The following DNAI3 variants were observed in gnomAD, a reference collection of about 807,000 sequenced individuals.
The protein encoded by DNAI3 is WD repeat domain 63.
DNAI3 carries 83 observed loss-of-function variants against 115.5 expected under a neutral mutation model. The ratio of observed to expected loss-of-function variants is 0.72; its 90% confidence interval spans 0.60 to 0.86. DNAI3 has a LOEUF of 0.86. Among genes scored for constraint, DNAI3 ranks in the 40% least tolerant of loss-of-function variants. The pLI, the probability that DNAI3 is intolerant of heterozygous loss-of-function variation, is 0.00. For missense variants in DNAI3, 1,004 were observed against 1,075.8 expected, an observed-to-expected ratio of 0.93 and a Z score of 0.93; for synonymous variants, 320 against 347.0, an observed-to-expected ratio of 0.92 and a Z score of 0.86.
At chr1:85,122,139 G>A (rs1260818072) in intron 18 of DNAI3, among the ~76,000 whole-genome samples, 1 of 152,330 alleles carries the variant, frequency 6.6e-6, no homozygotes, top group East Asian at 1.9e-4. Context: ...GGAGAAACTT[G>A]AGTGATTTAA....
At chr1:85,112,404 T>A (rs1204801192) in intron 16 of DNAI3, among the ~76,000 whole-genome samples, 3 of 152,242 alleles carry the variant, frequency 2.0e-5, no homozygotes, top group African/African-American at 7.2e-5. Context: ...AACATTCATG[T>A]ACAAGTCTTT....
chr1:85,131,542 A>G (rs1656325087), intron 22 of DNAI3, among the ~76,000 whole-genome samples: 1 of 152,110 alleles, frequency 6.6e-6, no homozygotes, highest in African/African-American at 2.4e-5. Context: ...GATAAATACT[A>G]ATTAGTGCAA....
At chr1:85,112,947 T>C (rs940866753) in intron 16 of DNAI3, among the ~76,000 whole-genome samples, 1 of 152,156 alleles carries the variant, frequency 6.6e-6, no homozygotes, top group Non-Finnish European at 1.5e-5. Flanking sequence ...TTTCATATTT[T>C]TAGTAGAGAC....
chr1:85,117,882 T>A (rs1190579778), intron 17 of DNAI3, 23 bp downstream of exon 17: 3 of 1,607,718 alleles, frequency 1.9e-6, no homozygotes, highest in Non-Finnish European at 2.6e-6. Context: ...TATCTGCTTT[T>A]AAAATTAATA....
intron 12 of DNAI3, among the ~76,000 whole-genome samples, chr1:85,098,263 CCTT>C (rs1248547298): frequency 6.6e-6 from 1 of 152,130 alleles, no homozygotes; most frequent in East Asian, 1.9e-4. Flanking sequence ...AAGAAATACT[CCTT>C]CTAAAATGAG....
rs1482555420 is a variant in DNAI3, at chr1:85,068,080, G to A, written c.-14-3848G>A. Among the ~76,000 whole-genome samples the A allele has an allele frequency of 2.6e-5, 4 of 152,072 alleles. 1 individual carries two copies. The highest frequency in any genetic ancestry group is 6.8e-3 in the Middle Eastern group (2 of 292). On this transcript the variant is annotated intron_variant, in intron 1 of 22. Coordinates refer to ENST00000294664, the MANE Select transcript of DNAI3 (RefSeq NM_145172.5). ...TTTTGTTTAGACTGGAAATTCATAG[G>A]CTAAGCATGGCAGAAGGGAAGGAGG...
chr1:85,110,486 T>TAAA, intron 16 of DNAI3, among the ~76,000 whole-genome samples: 2 of 151,014 alleles, frequency 1.3e-5, no homozygotes, highest in Admixed American at 6.6e-5. Flanking sequence ...AATAAATACA[T>TAAA]TTACTAATTT....
chr1:85,094,372 G>A, intron 9 of DNAI3, 59 bp from the exon 10 acceptor site: 1 of 1,601,712 alleles, frequency 6.2e-7, no homozygotes, highest in South Asian at 1.1e-5. Flanking sequence ...GCAAAAGCTA[G>A]AGACATCTCT....
At chr1:85,079,781 G>A (rs1047768419) in intron 3 of DNAI3, among the ~76,000 whole-genome samples, 61 of 152,260 alleles carry the variant, frequency 4.0e-4, no homozygotes, top group African/African-American at 1.4e-3. Context: ...GCGCAAAGAA[G>A]GGATGGGAAG....
At position 85,121,757 on chromosome 1, in the gene DNAI3, G is replaced by C; in HGVS notation, c.1924G>C (p.Glu642Gln). 6.2e-7 allele frequency: 1 copy of C among 1,614,068 alleles called. No individual in the cohort carries two copies. The highest frequency in any genetic ancestry group is 1.7e-4 in the Middle Eastern group (1 of 6,060). ...GAACCTGTAATATTTTTAGGAAGGC[G>C]AAGTGATATACACAGATTGGAAAAT... Reference protein sequence around the residue: ...TKFFVGTEEGEVIYTDWKMEK... With the variant: ...TKFFVGTEEGQVIYTDWKMEK... The change falls in exon 18 of 23, where the codon GAA becomes CAA. Residue 642 changes from glutamate to glutamine, a missense_variant. Coordinates refer to ENST00000294664, the MANE Select transcript of DNAI3 (RefSeq NM_145172.5).
chr1:85,080,206 C>CATGCCTGGCTA (rs1355529400), intron 3 of DNAI3, among the ~76,000 whole-genome samples: 8 of 151,964 alleles, frequency 5.3e-5, no homozygotes, highest in Admixed American at 2.0e-4. Flanking sequence ...CGCGTGCCAC[C>CATGCCTGGCTA]ATGCCTGGCT....
chr1:85,107,901 TA>T (rs1655536930), intron 14 of DNAI3, 131 bp from the exon 15 acceptor site: 2 of 595,948 alleles, frequency 3.4e-6, no homozygotes, highest in Admixed American at 3.8e-5. Context: ...TCTTGTTTCA[TA>T]AAAATCTTAG....
chr1:85,131,103 C>T (rs922128535), intron 22 of DNAI3, among the ~76,000 whole-genome samples: 5 of 152,152 alleles, frequency 3.3e-5, no homozygotes, highest in African/African-American at 1.2e-4. Context: ...TAGCCAAATA[C>T]ATACATCCTC....
At chr1:85,093,957 C>G (rs1655055580) in intron 9 of DNAI3, 3 of 523,998 alleles carry the variant, frequency 5.7e-6, no homozygotes, top group South Asian at 4.7e-5. Flanking sequence ...GCCTGTTGCT[C>G]TCCCAAGGCT....
At chr1:85,098,387 G>A in intron 12 of DNAI3, 143 bp from the exon 13 acceptor site, 1 of 949,162 alleles carries the variant, frequency 1.1e-6, no homozygotes. Context: ...CTAAATATAT[G>A]ATATAGAGAA....
intron 22 of DNAI3, 130 bp downstream of exon 22, chr1:85,130,242 C>T (rs1656272988): frequency 7.6e-7 from 1 of 1,307,478 alleles, no homozygotes; most frequent in Admixed American, 2.3e-5. Flanking sequence ...TCATGAGAGT[C>T]AAGAGGGCAT....
chr1:85,123,448 T>A (rs1656043672), intron 18 of DNAI3, among the ~76,000 whole-genome samples: 1 of 152,186 alleles, frequency 6.6e-6, no homozygotes, highest in Non-Finnish European at 1.5e-5. Context: ...CAGATTGCTG[T>A]CGGGGGTGCC....
At chr1:85,117,201 T>C (rs540467774) in intron 16 of DNAI3, among the ~76,000 whole-genome samples, 2 of 152,208 alleles carry the variant, frequency 1.3e-5, no homozygotes, top group Non-Finnish European at 2.9e-5. Flanking sequence ...TTTAAGAGAA[T>C]AGAAAAGCAG....
chr1:85,111,264 A>G (rs768206847), intron 16 of DNAI3, among the ~76,000 whole-genome samples: 31 of 152,204 alleles, frequency 2.0e-4, no homozygotes, highest in Non-Finnish European at 4.3e-4. Context: ...TTTTATAGAC[A>G]TTGTCAAAGC....
Sources: allele counts gnomAD v4.1 joint callset (sites outside exome capture counted in the v4.1 genomes callset), GRCh38; gene constraint gnomAD v4.1.1; transcripts MANE v1.5; gene names NCBI Gene and HGNC (gene_info 2026-07-23, HGNC 2026-07-21).